Variants in PIEZO2 observed in about 807,000 individuals in gnomAD.
PIEZO2 encodes piezo-type mechanosensitive ion channel component 2.
In PIEZO2, 172 loss-of-function variants were observed where a neutral mutation model predicts 337.3. That is an observed-to-expected ratio of 0.51 (90% CI 0.45 to 0.58). The LOEUF (loss-of-function observed/expected upper bound fraction) is 0.58, where lower values mean the gene tolerates loss of function less well. Among genes scored for constraint, PIEZO2 ranks in the 20% least tolerant of loss-of-function variants. The pLI is 0.00. For missense variants in PIEZO2, 3,028 were observed against 3,391.3 expected (o/e 0.89, Z 2.66); for synonymous variants, 1,251 against 1,228.5 (o/e 1.02, Z -0.38).
At chr18:10,965,943 G>A (rs1408246410) in intron 3 of PIEZO2, among the ~76,000 whole-genome samples, 2 of 152,100 alleles carry the variant, frequency 1.3e-5, no homozygotes, top group Non-Finnish European at 2.9e-5. Context: ...TTTTACCAAA[G>A]AATTTTAAAG....
rs1350233286 is a variant in PIEZO2 at position 11,129,313 on chromosome 18, A to AG, written c.64+19211dup. 6.7e-4 allele frequency among the ~76,000 whole-genome samples: 102 copies of AG among 152,374 alleles called. No individual in the cohort carries two copies. Among genetic ancestry groups the AG allele is most frequent in the African/African-American group, 2.4e-3 (100 of 41,590 alleles). On this transcript the variant is annotated intron_variant, in intron 1 of 55. Coordinates refer to ENST00000674853, the MANE Select transcript of PIEZO2 (RefSeq NM_001378183.1). This position sits in a 1 kb window ranked among gnomAD's most constrained non-coding sequence, Gnocchi z 4.6. ...CCCGAGGTGGCAGGGACCAAGTGGC[A>AG]GCACTCAACTGTCAAAGGCAAGGTA...
In PIEZO2 at chr18:10,861,614, A is replaced by C. The variant is rs936005410; in HGVS notation, c.493-4403T>G. On this transcript the variant is annotated intron_variant, in intron 5 of 55. Coordinates refer to ENST00000674853, the MANE Select transcript of PIEZO2 (RefSeq NM_001378183.1). This position sits in a 1 kb window ranked among gnomAD's most constrained non-coding sequence, Gnocchi z 4.3. ...CAGAGGCTGGGGAAGGAGGCCAGGG[A>C]CCTGGAAAGGGCAGATGCTGATCAA... Among the ~76,000 whole-genome samples the C allele has an allele frequency of 6.6e-6, 1 of 152,238 alleles. No homozygotes were observed. Among genetic ancestry groups the C allele is most frequent in the Non-Finnish European group, 1.5e-5 (1 of 68,036 alleles).
At chr18:11,042,561 G>A (rs56017099) in intron 2 of PIEZO2, among the ~76,000 whole-genome samples, 260 of 152,348 alleles carry the variant, frequency 1.7e-3, no homozygotes, top group Non-Finnish European at 3.0e-3. Flanking sequence ...AGCTAGACTC[G>A]CTGTGGTGGG....
rs376326945 is a variant in PIEZO2, at chr18:10,998,234, G to A, written c.161-18574C>T. Among the ~76,000 whole-genome samples, 18 of 152,104 alleles carry A rather than the reference G, an allele frequency of 1.2e-4. No individual in the cohort carries two copies. In the South Asian group the frequency reaches 3.7e-3, roughly 32 times the overall value. ...AAAATTAACCTGCTATCAAAGCAAT[G>A]CTAATGTAAGTTCTTCAGCCTGAAG... is the stretch of plus-strand genomic sequence containing the variant. On this transcript the variant is annotated intron_variant, in intron 2 of 55. Transcript: ENST00000674853.
chr18:10,681,842 G>A (rs2034280312), intron 50 of PIEZO2, 89 bp from the exon 51 acceptor site: 1 of 1,131,398 alleles, frequency 8.8e-7, no homozygotes, highest in African/African-American at 1.5e-5. Flanking sequence ...TAGGATATCA[G>A]CCCATTTATG....
At chr18:11,063,871 TGC>T (rs2038057818) in intron 2 of PIEZO2, among the ~76,000 whole-genome samples, 1 of 152,186 alleles carries the variant, frequency 6.6e-6, no homozygotes, top group Non-Finnish European at 1.5e-5. Context: ...AAAGCCATGC[TGC>T]ATTCACTCTT....
intron 52 of PIEZO2, among the ~76,000 whole-genome samples, chr18:10,679,840 G>A (rs1258788401): frequency 6.6e-6 from 1 of 152,172 alleles, no homozygotes; most frequent in Non-Finnish European, 1.5e-5. Context: ...TGAAATTTAA[G>A]TGTTGTTTCA....
At chr18:11,015,199 G>A (rs1046165249) in intron 2 of PIEZO2, among the ~76,000 whole-genome samples, 1 of 148,150 alleles carries the variant, frequency 6.7e-6, no homozygotes, top group Non-Finnish European at 1.5e-5. Flanking sequence ...CCCTGGGCAG[G>A]ACAGCAATCC....
At chr18:10,704,938 G>T (rs1041538172) in intron 41 of PIEZO2, among the ~76,000 whole-genome samples, 1 of 152,112 alleles carries the variant, frequency 6.6e-6, no homozygotes, top group African/African-American at 2.4e-5. Context: ...TGATCCACCC[G>T]CCTCAGCCTC....
At position 10,834,413 on chromosome 18, in the gene PIEZO2, G is replaced by C. The variant is rs1271142364; in HGVS notation, c.917+20940C>G. ...AGTAACTAGCACCCGACAATACTAT[G>C]TGCTCAATACACCTTAACTATTACA... On this transcript the variant is annotated intron_variant, in intron 7 of 55. Transcript: ENST00000674853. This position sits in a 1 kb window ranked among gnomAD's most constrained non-coding sequence, Gnocchi z 4.5. 1.3e-5 allele frequency among the ~76,000 whole-genome samples: 2 copies of C among 152,170 alleles called. No homozygotes were observed. The highest frequency in any genetic ancestry group is 2.9e-5 in the Non-Finnish European group (2 of 68,040).
chr18:10,794,727 T>C lies in PIEZO2; in HGVS notation c.1758+45A>G. 2 of 1,314,176 alleles carry C rather than the reference T, an allele frequency of 1.5e-6. No individual in the cohort carries two copies. Among genetic ancestry groups the C allele is most frequent in the South Asian group, 2.8e-5 (2 of 70,610 alleles). 81.4% of individuals were successfully genotyped at this position (1,314,176 alleles called of 1,614,324 possible). Reference sequence around the variant, plus strand: ...TTGGATACGATTATGATGATGATTGTGGTTTTGTGTCATTGTTTTGTTTTA... The same window carrying C: ...TTGGATACGATTATGATGATGATTGCGGTTTTGTGTCATTGTTTTGTTTTA... On this transcript the variant is annotated intron_variant, in intron 13 of 55. Coordinates refer to ENST00000674853, the MANE Select transcript of PIEZO2 (RefSeq NM_001378183.1). The surrounding 1 kb of genome is among the most constrained non-coding windows in gnomAD (Gnocchi z 6.6).
chr18:11,135,789 G>A (rs969343818), intron 1 of PIEZO2, among the ~76,000 whole-genome samples: 8 of 152,176 alleles, frequency 5.3e-5, no homozygotes, highest in African/African-American at 9.6e-5. Flanking sequence ...CTCGTGATCC[G>A]CCCACCTAGG....
rs1309551892 is a variant in PIEZO2 at position 10,716,803 on chromosome 18, T to C, written c.5090-987A>G. Among the ~76,000 whole-genome samples the C allele has an allele frequency of 6.6e-6, 1 of 151,690 alleles. No individual in the cohort carries two copies. The highest frequency in any genetic ancestry group is 1.5e-5 in the Non-Finnish European group (1 of 68,022). Reference sequence around the variant, plus strand: ...TGGAGTTACACCCATCAATGAACTTTAGGAGCTCCTTATATTTTCGACATG... The same window carrying C: ...TGGAGTTACACCCATCAATGAACTTCAGGAGCTCCTTATATTTTCGACATG... On this transcript the variant is annotated intron_variant, in intron 37 of 55. Transcript: ENST00000674853. The surrounding 1 kb of genome is among the most constrained non-coding windows in gnomAD (Gnocchi z 4.1).
chr18:11,013,663 A>C (rs888930270), intron 2 of PIEZO2, among the ~76,000 whole-genome samples: 1 of 152,140 alleles, frequency 6.6e-6, no homozygotes, highest in Non-Finnish European at 1.5e-5. Context: ...TCCTGTGCTC[A>C]CTCCCTGGTG....
intron 4 of PIEZO2, among the ~76,000 whole-genome samples, chr18:10,887,065 C>CTTTTTTTT (rs143421507): frequency 1.1e-5 from 1 of 91,396 alleles, no homozygotes; most frequent in African/African-American, 4.4e-5. Flanking sequence ...AGGTGACACA[C>CTTTTTTTT]TTTTTTTTTT....
At chr18:10,935,592 T>C (rs1422641985) in intron 3 of PIEZO2, among the ~76,000 whole-genome samples, 2 of 152,200 alleles carry the variant, frequency 1.3e-5, no homozygotes, top group African/African-American at 4.8e-5. Context: ...TAAGATTTTA[T>C]GAAAAAGATA....
At chr18:11,076,048 A>G (rs1266174475) in intron 1 of PIEZO2, among the ~76,000 whole-genome samples, 3 of 152,102 alleles carry the variant, frequency 2.0e-5, no homozygotes, top group African/African-American at 7.2e-5. Context: ...GGCCTCCCAA[A>G]GTGCTGGGAT....
At chr18:10,742,959 A>G (rs988115286) in intron 31 of PIEZO2, among the ~76,000 whole-genome samples, 1 of 152,182 alleles carries the variant, frequency 6.6e-6, no homozygotes, top group African/African-American at 2.4e-5. Flanking sequence ...TGAACATGGC[A>G]TATTATGAAA....
chr18:10,792,830 T>C (rs2039450393), intron 13 of PIEZO2, among the ~76,000 whole-genome samples: 1 of 152,262 alleles, frequency 6.6e-6, no homozygotes, highest in African/African-American at 2.4e-5. Context: ...ATTTTATGTT[T>C]AAAATTTTGA....
Sources: gnomAD v4.1 joint callset for allele counts (sites outside exome capture counted in the v4.1 genomes callset) on GRCh38, gnomAD v4.1.1 for gene constraint, Gnocchi (gnomAD v3.1) non-coding constraint, MANE v1.5 for transcripts, NCBI Gene and HGNC (gene_info 2026-07-23, HGNC 2026-07-21) for gene names.